Variants in C9orf85 observed in about 807,000 individuals in gnomAD.
C9orf85 encodes the protein uncharacterized protein C9orf85.
C9orf85 carries 16 observed loss-of-function variants against 14.9 expected under a neutral mutation model. The observed-to-expected ratio is 1.08, with a 90% CI of 0.73 to 1.63. The LOEUF (loss-of-function observed/expected upper bound fraction) is 1.63. Ranked by LOEUF, C9orf85 falls within the 40% of genes most tolerant of loss-of-function variation. The probability of loss-of-function intolerance (pLI) is 0.00; values close to 1 mark genes in which losing one functional copy is unlikely to be tolerated. For synonymous variants in C9orf85, 45 were observed against 56.8 expected (o/e 0.79, Z 0.93); for missense variants, 172 against 186.1 (o/e 0.92, Z 0.44).
chr9:71,935,606 ACAC>A (rs1828169178), intron 1 of C9orf85, among the ~76,000 whole-genome samples: 1 of 151,458 alleles, frequency 6.6e-6, no homozygotes, highest in South Asian at 2.1e-4. Flanking sequence ...AGCCAGGGCA[ACAC>A]AGCGAGACCC....
chr9:71,985,810 G>A (rs1823202344), downstream of C9orf85: 1 of 152,172 alleles, frequency 6.6e-6, no homozygotes, highest in Non-Finnish European at 1.5e-5. Flanking sequence ...AAGCCACTAG[G>A]TGTTGCTATA....
At chr9:71,973,553 A>T (rs1229966663), downstream of C9orf85, 1 of 152,094 alleles carries the variant, frequency 6.6e-6, no homozygotes, top group East Asian at 1.9e-4. Context: ...TTGTATTTTT[A>T]TATATTTCAT....
chr9:71,951,127 A>G (rs1822235283), intron 2 of C9orf85, among the ~76,000 whole-genome samples: 1 of 152,174 alleles, frequency 6.6e-6, no homozygotes, highest in African/African-American at 2.4e-5. Context: ...GTGAGGTGAC[A>G]TGCTGCAGTA....
intron 2 of C9orf85, among the ~76,000 whole-genome samples, chr9:71,963,164 TATA>T (rs1564097836): frequency 6.6e-6 from 1 of 152,212 alleles, no homozygotes; most frequent in Non-Finnish European, 1.5e-5. Context: ...TGATTACTAG[TATA>T]ATTTGATGCT....
intron 1 of C9orf85, among the ~76,000 whole-genome samples, chr9:71,939,839 C>T (rs1006255368): frequency 6.6e-6 from 1 of 152,064 alleles, no homozygotes; most frequent in African/African-American, 2.4e-5. Flanking sequence ...GGTACAAAGG[C>T]ATTTCAATGG....
At chr9:71,967,794 A>AGATATTCTTGCCCTGTTTCT (rs1262758675) in intron 2 of C9orf85, among the ~76,000 whole-genome samples, 1 of 146,926 alleles carries the variant, frequency 6.8e-6, no homozygotes, top group African/African-American at 2.6e-5. Flanking sequence ...TGTTGAGAGC[A>AGATATTCTTGCCCTGTTTCT]GATATTCTTG....
At chr9:71,933,564 A>G (rs192616724) in intron 1 of C9orf85, among the ~76,000 whole-genome samples, 1 of 152,190 alleles carries the variant, frequency 6.6e-6, no homozygotes, top group Non-Finnish European at 1.5e-5. Flanking sequence ...TCTCTTTGGC[A>G]TATCTGAATC....
intron 1 of C9orf85, among the ~76,000 whole-genome samples, chr9:71,920,445 C>T (rs976317763): frequency 1.3e-5 from 2 of 152,142 alleles, no homozygotes; most frequent in African/African-American, 4.8e-5. Flanking sequence ...ATTCATTAAT[C>T]TAAAAGAAAG....
intron 3 of C9orf85, among the ~76,000 whole-genome samples, 189 bp from the exon 4 acceptor site, chr9:71,972,503 C>T (rs979752320): frequency 6.6e-6 from 1 of 152,216 alleles, no homozygotes; most frequent in South Asian, 2.1e-4. Flanking sequence ...AGGTGATCTG[C>T]ACGCCTTGGT....
chr9:71,946,985 G>C (rs763234136), intron 1 of C9orf85, 21 bp from the exon 2 acceptor site: 16 of 1,558,990 alleles, frequency 1.0e-5, no homozygotes. Flanking sequence ...TTCTCAATTT[G>C]TCTTTCTGTT....
rs116025740 is a variant in C9orf85, at chr9:71,927,485, G to T, written c.102+15649G>T. On this transcript the variant is annotated intron_variant, in intron 1 of 3. Coordinates refer to ENST00000334731, the MANE Select transcript of C9orf85 (RefSeq NM_182505.5). Reference sequence around the variant, plus strand: ...AAAAAAAGTAAACTCATAGTTCCAGGTTTCAACCAAACCTAGGGATTAAAA... The same window carrying T: ...AAAAAAAGTAAACTCATAGTTCCAGTTTTCAACCAAACCTAGGGATTAAAA... Among the ~76,000 whole-genome samples, 1,292 of 152,200 alleles carry T rather than the reference G, an allele frequency of 8.5e-3. 7 individuals carry two copies. Among genetic ancestry groups the T allele is most frequent in the African/African-American group, 0.028 (1,176 of 41,526 alleles).
intron 2 of C9orf85, among the ~76,000 whole-genome samples, chr9:71,963,869 C>G (rs1039756757): frequency 6.6e-6 from 1 of 152,204 alleles, no homozygotes; most frequent in African/African-American, 2.4e-5. Context: ...ACCAGCGCCA[C>G]CCCCTGCTCC....
At chr9:71,948,182 T>A (rs1822147745) in intron 2 of C9orf85, among the ~76,000 whole-genome samples, 1 of 152,218 alleles carries the variant, frequency 6.6e-6, no homozygotes, top group African/African-American at 2.4e-5. Flanking sequence ...TTGCCTTATT[T>A]TTCTGACTAT....
chr9:71,921,925 T>TATTA (rs1488058699), intron 1 of C9orf85, among the ~76,000 whole-genome samples: 94 of 8,880 alleles, frequency 0.011, no homozygotes, highest in African/African-American at 0.018. Flanking sequence ...TTTTTATTTT[T>TATTA]TTTTTATTAT....
intron 2 of C9orf85, among the ~76,000 whole-genome samples, chr9:71,960,245 C>T (rs1453318513): frequency 6.6e-6 from 1 of 152,198 alleles, no homozygotes; most frequent in Non-Finnish European, 1.5e-5. Flanking sequence ...AACAAGAATC[C>T]TGTTGACTTT....
chr9:71,945,533 GAAGA>G (rs1169817879), intron 1 of C9orf85, among the ~76,000 whole-genome samples: 3 of 152,122 alleles, frequency 2.0e-5, no homozygotes, highest in Admixed American at 6.5e-5. Flanking sequence ...AAGATTCCTT[GAAGA>G]AAGAGAAAAA....
downstream of C9orf85, among the ~76,000 whole-genome samples, chr9:71,974,718 A>G (rs1026958571): frequency 6.6e-6 from 1 of 152,208 alleles, no homozygotes; most frequent in Non-Finnish European, 1.5e-5. Flanking sequence ...CACTTTTGCT[A>G]TGTAAAACAA....
chr9:71,912,962 C>T (rs1171829887), intron 1 of C9orf85, among the ~76,000 whole-genome samples: 3 of 152,106 alleles, frequency 2.0e-5, no homozygotes, highest in Admixed American at 2.0e-4. Context: ...GAGAGAAAAT[C>T]ATTGACAACA....
At chr9:71,970,050 T>A (rs1171528568) in intron 2 of C9orf85, among the ~76,000 whole-genome samples, 1 of 152,004 alleles carries the variant, frequency 6.6e-6, no homozygotes, top group East Asian at 1.9e-4. Context: ...GTTCAAGCAA[T>A]TCTCCTGCCT....
Sources: gnomAD v4.1 joint callset for allele counts (sites outside exome capture counted in the v4.1 genomes callset) on GRCh38, gnomAD v4.1.1 for gene constraint, MANE v1.5 for transcripts, NCBI Gene and HGNC (gene_info 2026-07-23, HGNC 2026-07-21) for gene names.